The following SOX5 variants were observed in gnomAD, a reference collection of about 807,000 sequenced individuals.
SOX5 encodes transcription factor SOX-5.
A neutral mutation model predicts 92.0 loss-of-function variants in SOX5; 9 were observed. The ratio of observed to expected loss-of-function variants is 0.10; its 90% CI spans 0.06 to 0.17. The LOEUF (loss-of-function observed/expected upper bound fraction) is 0.17. Among genes scored for constraint, SOX5 ranks in the 10% least tolerant of loss-of-function variants. The probability of loss-of-function intolerance (pLI) is 1.00; values close to 1 mark genes in which losing one functional copy is unlikely to be tolerated. For missense variants in SOX5, 642 were observed against 944.5 expected, an observed-to-expected ratio of 0.68 and a Z score of 4.20; for synonymous variants, 344 against 336.3, an observed-to-expected ratio of 1.02 and a Z score of -0.25.
intron 1 of SOX5, among the ~76,000 whole-genome samples, chr12:23,924,243 G>A (rs1000469910): frequency 1.3e-5 from 2 of 152,178 alleles, no homozygotes; most frequent in African/African-American, 2.4e-5. Context: ...TGCGAGAAAC[G>A]TATCATATTA....
At chr12:23,674,782 A>C (rs1240621187) in intron 6 of SOX5, among the ~76,000 whole-genome samples, 6 of 151,694 alleles carry the variant, frequency 4.0e-5, no homozygotes, top group Non-Finnish European at 5.9e-5. Context: ...TATTTTTCAA[A>C]ATTTCTCTAT....
chr12:24,247,879 C>G (rs1939195062), intron 3 of SOX5, among the ~76,000 whole-genome samples: 1 of 152,004 alleles, frequency 6.6e-6, no homozygotes, highest in Admixed American at 6.6e-5. Context: ...GTCTTGAACC[C>G]CTGACCTCAA....
chr12:23,577,004 G>T (rs1391814003), intron 9 of SOX5, among the ~76,000 whole-genome samples: 1 of 150,824 alleles, frequency 6.6e-6, no homozygotes, highest in South Asian at 2.1e-4. Context: ...ATCAAATGGG[G>T]TAGTCAGGTG....
intron 2 of SOX5, among the ~76,000 whole-genome samples, chr12:23,865,212 A>G (rs1017735399): frequency 1.3e-5 from 2 of 152,192 alleles, no homozygotes; most frequent in African/African-American, 4.8e-5. Context: ...ACAAAAAGAG[A>G]GATTCATTTA....
chr12:24,462,601 T>G (rs569243171), intron 1 of SOX5, among the ~76,000 whole-genome samples: 2 of 152,306 alleles, frequency 1.3e-5, no homozygotes, highest in East Asian at 1.9e-4. Flanking sequence ...TAATCCCTAG[T>G]AAAAACTAAT....
At chr12:24,491,741 A>T (rs1947099417) in intron 1 of SOX5, among the ~76,000 whole-genome samples, 1 of 152,204 alleles carries the variant, frequency 6.6e-6, no homozygotes, top group South Asian at 2.1e-4. Context: ...TAACCAGTGC[A>T]CCAAAAGTAT....
chr12:23,944,671 T>C (rs1327567041), intron 1 of SOX5, among the ~76,000 whole-genome samples: 2 of 152,146 alleles, frequency 1.3e-5, no homozygotes, highest in Non-Finnish European at 2.9e-5. Flanking sequence ...AAATTTCACA[T>C]TTAATACAAA....
At chr12:24,400,237 T>C (rs1596304083) in intron 1 of SOX5, among the ~76,000 whole-genome samples, 2 of 152,240 alleles carry the variant, frequency 1.3e-5, no homozygotes, top group Admixed American at 1.3e-4. Context: ...ATCTCTGAAG[T>C]GGGTGAAATA....
At chr12:23,999,669 G>T (rs1951407052) in intron 4 of SOX5, among the ~76,000 whole-genome samples, 2 of 151,706 alleles carry the variant, frequency 1.3e-5, no homozygotes, top group African/African-American at 4.8e-5. Context: ...TTAAAAAATT[G>T]TCTTTAAAAA....
At chr12:23,986,374 C>T (rs1439820482) in intron 4 of SOX5, among the ~76,000 whole-genome samples, 1 of 151,970 alleles carries the variant, frequency 6.6e-6, no homozygotes, top group Non-Finnish European at 1.5e-5. Flanking sequence ...ACTATCAAGA[C>T]ACATGTATAA....
chr12:24,311,066 A>C (rs547538397), intron 2 of SOX5, among the ~76,000 whole-genome samples: 40 of 152,346 alleles, frequency 2.6e-4, no homozygotes, highest in Non-Finnish European at 5.3e-4. Flanking sequence ...TCATAAAAAA[A>C]TTCCAACCTA....
chr12:23,564,682 T>C (rs879377829), intron 10 of SOX5, among the ~76,000 whole-genome samples: 4 of 152,196 alleles, frequency 2.6e-5, no homozygotes, highest in Non-Finnish European at 4.4e-5. Context: ...TGAAAAACAC[T>C]AAGATTAAAG....
chr12:24,531,999 T>C lies in SOX5; in HGVS notation c.-251+30330A>G, dbSNP rs534659727. On this transcript the variant is annotated intron_variant, in intron 1 of 4. Coordinates refer to the SOX5 transcript ENST00000446891. Reference sequence around the variant, plus strand: ...GCAGACCAACTATTTAAATTGACAATAAAAGTTGGACAAAATGGTCAACTT... The same window carrying C: ...GCAGACCAACTATTTAAATTGACAACAAAAGTTGGACAAAATGGTCAACTT... Among the ~76,000 whole-genome samples, 5 of 152,196 alleles carry C rather than the reference T, an allele frequency of 3.3e-5. No individual in the cohort carries two copies. The South Asian group carries it at 8.3e-4, about 25-fold the overall frequency.
intron 4 of SOX5, among the ~76,000 whole-genome samples, chr12:24,001,042 A>T (rs534326826): frequency 2.6e-5 from 4 of 152,176 alleles, no homozygotes; most frequent in Admixed American, 6.5e-5. Context: ...CCATAAAAAA[A>T]GTTTTCATGA....
intron 2 of SOX5, among the ~76,000 whole-genome samples, chr12:24,331,848 C>CAAAAAAAAAAAAAAAAAAAAAAAA: frequency 3.2e-5 from 1 of 31,658 alleles, no homozygotes; most frequent in Non-Finnish European, 5.2e-5. Flanking sequence ...AAGACTGTCT[C>CAAAAAAAAAAAAAAAAAAAAAAAA]AAAAAAAAAA....
intron 4 of SOX5, among the ~76,000 whole-genome samples, chr12:24,190,352 C>T (rs567090854): frequency 1.2e-3 from 179 of 152,284 alleles, no homozygotes; most frequent in African/African-American, 4.3e-3. Context: ...TTCATAAAAT[C>T]TTATCAAGGT....
intron 4 of SOX5, among the ~76,000 whole-genome samples, chr12:23,754,814 T>G (rs934274541): frequency 2.0e-5 from 3 of 151,806 alleles, no homozygotes; most frequent in Non-Finnish European, 4.4e-5. Flanking sequence ...ACATGTATAA[T>G]AATATAAATC....
At chr12:24,105,385 A>G (rs560802808) in intron 4 of SOX5, among the ~76,000 whole-genome samples, 1 of 152,176 alleles carries the variant, frequency 6.6e-6, no homozygotes, top group East Asian at 1.9e-4. Flanking sequence ...TACTAAAACT[A>G]CAAAAATTAG....
chr12:23,949,463 TAACA>T, intron 1 of SOX5, 97 bp downstream of exon 1: 1 of 1,446,254 alleles, frequency 6.9e-7, no homozygotes, highest in Non-Finnish European at 9.7e-7. Context: ...AAGGCTTCTC[TAACA>T]AACACGTTTT....
Sources: gnomAD v4.1 joint callset for allele counts (sites outside exome capture counted in the v4.1 genomes callset) on GRCh38, gnomAD v4.1.1 for gene constraint, MANE v1.5 for transcripts, NCBI Gene and HGNC (gene_info 2026-07-23, HGNC 2026-07-21) for gene names.